Variants in SLK observed in about 807,000 individuals in gnomAD.
The protein encoded by SLK is STE20-like serine/threonine-protein kinase.
In SLK, 67 loss-of-function variants were observed where a neutral mutation model predicts 147.7. The observed-to-expected ratio is 0.45, with a 90% CI of 0.37 to 0.56. The LOEUF (loss-of-function observed/expected upper bound fraction) is 0.56, where lower values mean the gene tolerates loss of function less well. Ranked by LOEUF, SLK falls within the 20% of genes least tolerant of loss-of-function variation. The pLI, the probability that SLK is intolerant of heterozygous loss-of-function variation, is 0.00. For synonymous variants in SLK, 441 were observed against 475.0 expected (o/e 0.93, Z 0.93); for missense variants, 1,136 against 1,438.8 (o/e 0.79, Z 3.41).
In SLK at chr10:103,969,427, C is replaced by G. The variant is rs1001316736; in HGVS notation, c.150+1532C>G. On this transcript the variant is annotated intron_variant, in intron 1 of 18. Coordinates refer to ENST00000369755, the MANE Select transcript of SLK (RefSeq NM_014720.4). ...TTCACATGGCTATTATAGCACTTGTCACTTATTACAATTAATATGTTTATG... is the reference window on the plus strand; with the variant it reads ...TTCACATGGCTATTATAGCACTTGTGACTTATTACAATTAATATGTTTATG... Among the ~76,000 whole-genome samples the G allele has an allele frequency of 3.9e-5, 6 of 152,202 alleles. No homozygotes were observed. The East Asian group carries it at 1.2e-3, about 29-fold the overall frequency.
chr10:103,982,342 T>C (rs1197394361), intron 1 of SLK, among the ~76,000 whole-genome samples: 1 of 152,208 alleles, frequency 6.6e-6, no homozygotes, highest in Non-Finnish European at 1.5e-5. Context: ...CTGTGTGATC[T>C]GAGAATTGGT....
chr10:104,024,998 T>C (rs1394163593), intron 18 of SLK, among the ~76,000 whole-genome samples: 2 of 152,198 alleles, frequency 1.3e-5, no homozygotes. Flanking sequence ...TAGGTTTTTA[T>C]ATGGATTTGG....
rs141866462 is a variant in SLK at position 103,993,293 on chromosome 10, T to C, written c.514+160T>C. ...AAACACTTTTTTAGGTAAATACTCA[T>C]TTTTCTATAATTTCTAAATATCAGC... On this transcript the variant is annotated intron_variant, in intron 4 of 18. Transcript: ENST00000369755. Among the ~76,000 whole-genome samples the C allele has an allele frequency of 2.7e-3, 406 of 152,302 alleles. 1 individual carries two copies. The highest frequency in any genetic ancestry group is 9.5e-3 in the African/African-American group (396 of 41,582).
intron 9 of SLK, among the ~76,000 whole-genome samples, chr10:104,003,884 A>G (rs1487820910): frequency 2.6e-5 from 4 of 152,360 alleles, no homozygotes; most frequent in Non-Finnish European, 5.9e-5. Context: ...AAGCACATTT[A>G]GGGTGTAAAC....
chr10:104,027,748 T>C lies in SLK; in HGVS notation c.*2028T>C, dbSNP rs1844617141. 2.0e-5 allele frequency: 3 copies of C among 152,152 alleles called. No individual in the cohort carries two copies. The highest frequency in any genetic ancestry group is 1.3e-4 in the Admixed American group (2 of 15,276). 9.4% of individuals were successfully genotyped at this position (152,152 alleles called of 1,614,324 possible). A position where few individuals can be genotyped will look rare whatever the true frequency, so the allele number is the denominator to read the frequency against. On this transcript the variant is annotated 3_prime_UTR_variant, in exon 19 of 19. Transcript: ENST00000369755. ...TTTAATTGATACCCTGTGCGCTAAA[T>C]AGTGTGTGGTGCCTGATTAATTTGG...
At chr10:103,994,314 C>T (rs556123056) in intron 4 of SLK, among the ~76,000 whole-genome samples, 35 of 152,288 alleles carry the variant, frequency 2.3e-4, no homozygotes, top group African/African-American at 7.0e-4. Flanking sequence ...GAAGCTCTTC[C>T]GTATGCCCAT....
intron 9 of SLK, 104 bp from the exon 10 acceptor site, chr10:104,005,457 G>A (rs1844312033): frequency 9.8e-6 from 10 of 1,022,774 alleles, no homozygotes; most frequent in Non-Finnish European, 1.4e-5. Context: ...TGGCTGTTCA[G>A]TTGTTTTGTT....
At chr10:103,970,143 G>A (rs1360660171) in intron 1 of SLK, among the ~76,000 whole-genome samples, 1 of 152,106 alleles carries the variant, frequency 6.6e-6, no homozygotes, top group Non-Finnish European at 1.5e-5. Context: ...ATAATATAAG[G>A]CACATGGAAA....
In SLK at chr10:103,992,141, G is replaced by GTTTTTTTTTTTTT. The variant is rs56381345; in HGVS notation, c.316-451_316-439dup. Among the ~76,000 whole-genome samples, 754 of 91,756 alleles carry GTTTTTTTTTTTTT rather than the reference G, an allele frequency of 8.2e-3. 123 individuals are homozygous for GTTTTTTTTTTTTT. Among genetic ancestry groups the GTTTTTTTTTTTTT allele is most frequent in the Middle Eastern group, 0.018 (2 of 114 alleles). 60.2% of individuals were successfully genotyped at this position (91,756 alleles called of 152,430 possible). On this transcript the variant is annotated intron_variant, in intron 2 of 18. Coordinates refer to ENST00000369755, the MANE Select transcript of SLK (RefSeq NM_014720.4). ...TGAAGCTTTTGTGGGTATTTCTTCT[G>GTTTTTTTTTTTTT]TTTTTTTTTTTTTTTTTTCTAAAAG...
intron 18 of SLK, among the ~76,000 whole-genome samples, chr10:104,024,895 A>G (rs993971350): frequency 1.3e-5 from 2 of 152,108 alleles, no homozygotes; most frequent in African/African-American, 2.4e-5. Flanking sequence ...GCCCCTCATG[A>G]AGGCACTCAT....
intron 1 of SLK, among the ~76,000 whole-genome samples, chr10:103,975,906 C>T (rs890203567): frequency 1.3e-5 from 2 of 151,944 alleles, no homozygotes; most frequent in Non-Finnish European, 2.9e-5. Flanking sequence ...GAGACCCCAT[C>T]TTTATTTGTT....
intron 1 of SLK, among the ~76,000 whole-genome samples, chr10:103,982,555 T>C (rs1843960208): frequency 1.3e-5 from 2 of 152,214 alleles, no homozygotes; most frequent in African/African-American, 4.8e-5. Context: ...GGAAATGACA[T>C]AATCCTTGGA....
chr10:103,972,773 G>T (rs1029005449), intron 1 of SLK, among the ~76,000 whole-genome samples: 6 of 151,802 alleles, frequency 4.0e-5, no homozygotes, highest in Admixed American at 6.6e-5. Flanking sequence ...ATTTCTCATT[G>T]TGCATTTAAT....
At chr10:103,978,391 G>A (rs1336044693) in intron 1 of SLK, among the ~76,000 whole-genome samples, 1 of 152,000 alleles carries the variant, frequency 6.6e-6, no homozygotes, top group Non-Finnish European at 1.5e-5. Context: ...TCTATGTCAA[G>A]GTACACTTCT....
chr10:104,023,974 T>A (rs1450083400), intron 18 of SLK, among the ~76,000 whole-genome samples: 1 of 152,184 alleles, frequency 6.6e-6, no homozygotes, highest in African/African-American at 2.4e-5. Flanking sequence ...CCATCTCACC[T>A]TTCCCCACTC....
intron 2 of SLK, among the ~76,000 whole-genome samples, chr10:103,991,331 A>C (rs1239146975): frequency 6.6e-6 from 1 of 152,138 alleles, no homozygotes; most frequent in Non-Finnish European, 1.5e-5. Context: ...TATAAATTTT[A>C]TTCATTTTCA....
intron 6 of SLK, 152 bp downstream of exon 6, chr10:103,999,465 C>A: frequency 1.6e-6 from 1 of 625,044 alleles, no homozygotes. Context: ...TGGTATATTT[C>A]TCTTAAAGAC....
At chr10:104,003,870 T>A (rs938660813) in intron 9 of SLK, among the ~76,000 whole-genome samples, 3 of 152,214 alleles carry the variant, frequency 2.0e-5, no homozygotes, top group Non-Finnish European at 4.4e-5. Context: ...AATGATGTCT[T>A]TTTAAGCACA....
intron 7 of SLK, among the ~76,000 whole-genome samples, chr10:104,000,800 G>A (rs1201458591): frequency 1.3e-5 from 2 of 152,128 alleles, no homozygotes; most frequent in African/African-American, 4.8e-5. Flanking sequence ...GCTCATGCCT[G>A]TAATCCCAGC....
Sources: gnomAD v4.1 joint callset for allele counts (sites outside exome capture counted in the v4.1 genomes callset) on GRCh38, gnomAD v4.1.1 for gene constraint, MANE v1.5 for transcripts, NCBI Gene and HGNC (gene_info 2026-07-23, HGNC 2026-07-21) for gene names.